Variants in CDH8 observed in about 807,000 individuals in gnomAD.
CDH8 encodes the protein cadherin 8.
In CDH8, 17 loss-of-function variants were observed where a neutral mutation model predicts 68.1. The ratio of observed to expected loss-of-function variants is 0.25; its 90% CI spans 0.17 to 0.37. CDH8 has a LOEUF of 0.37. CDH8 is among the 10% of genes least tolerant of loss of function. The pLI is 1.00. For missense variants in CDH8, 763 were observed against 999.3 expected (o/e 0.76, Z 3.19); for synonymous variants, 372 against 365.1 (o/e 1.02, Z -0.21).
At chr16:62,005,696 A>G (rs948776370) in intron 2 of CDH8, among the ~76,000 whole-genome samples, 1 of 143,280 alleles carries the variant, frequency 7.0e-6, no homozygotes, top group African/African-American at 2.6e-5. Context: ...AGATCACGCC[A>G]CTGCATTCCA....
At chr16:61,711,844 T>C (rs12149177) in intron 10 of CDH8, among the ~76,000 whole-genome samples, 48,009 of 151,378 alleles carry the variant, frequency 0.32, 7,845 homozygotes, top group African/African-American at 0.4. Flanking sequence ...GCCACCCCTC[T>C]CACTTTAAAA....
chr16:61,776,591 C>T (rs999968715), intron 8 of CDH8, among the ~76,000 whole-genome samples: 4 of 151,948 alleles, frequency 2.6e-5, no homozygotes, highest in Admixed American at 6.6e-5. Context: ...GTGATATGTT[C>T]CTGAACAAAC....
chr16:61,799,572 G>A (rs1352336596), intron 7 of CDH8, among the ~76,000 whole-genome samples: 1 of 152,002 alleles, frequency 6.6e-6, no homozygotes, highest in Non-Finnish European at 1.5e-5. Context: ...AGAGAAATAT[G>A]TATAATATCT....
At chr16:61,825,259 A>G in intron 4 of CDH8, 80 bp from the exon 5 acceptor site, 1 of 1,090,674 alleles carries the variant, frequency 9.2e-7, no homozygotes, top group Non-Finnish European at 1.3e-6. Flanking sequence ...ACATGCACAC[A>G]TACACACAAG....
chr16:61,828,784 G>A (rs180984792), intron 4 of CDH8, among the ~76,000 whole-genome samples: 55 of 151,792 alleles, frequency 3.6e-4, no homozygotes, highest in African/African-American at 1.1e-3. Flanking sequence ...CCAACTCTGT[G>A]ACCATGAATA....
chr16:61,970,601 C>T (rs1473202522), intron 2 of CDH8, among the ~76,000 whole-genome samples: 2 of 152,212 alleles, frequency 1.3e-5, no homozygotes, highest in Non-Finnish European at 2.9e-5. Context: ...GCTCTCATGA[C>T]ACAGAACGCT....
At chr16:61,732,215 C>G (rs1959557415) in intron 8 of CDH8, among the ~76,000 whole-genome samples, 1 of 151,806 alleles carries the variant, frequency 6.6e-6, no homozygotes, top group African/African-American at 2.4e-5. Context: ...TTCCTGTAAA[C>G]TTCCCAAATT....
intron 8 of CDH8, among the ~76,000 whole-genome samples, chr16:61,734,272 T>C (rs12599896): frequency 0.033 from 4,940 of 150,960 alleles, 361 homozygotes; most frequent in East Asian, 0.24. Flanking sequence ...TTGAGGTAGG[T>C]GAACTAGGAA....
intron 4 of CDH8, among the ~76,000 whole-genome samples, chr16:61,828,708 T>C (rs1962394388): frequency 6.6e-6 from 1 of 151,874 alleles, no homozygotes; most frequent in African/African-American, 2.4e-5. Flanking sequence ...TTGATTCCTC[T>C]TACCAATGCT....
chr16:61,959,956 T>C (rs183524227), intron 2 of CDH8, among the ~76,000 whole-genome samples: 2 of 133,056 alleles, frequency 1.5e-5, no homozygotes, highest in East Asian at 2.4e-4. Context: ...CAAATCTTTC[T>C]CTGTATGTGG....
At chr16:61,852,066 AAAATT>A (rs1962948898) in intron 4 of CDH8, among the ~76,000 whole-genome samples, 1 of 152,228 alleles carries the variant, frequency 6.6e-6, no homozygotes, top group East Asian at 1.9e-4. Context: ...TTGTGTGGAA[AAAATT>A]AAATTAAATT....
chr16:61,821,484 G>A (rs1053872732), intron 5 of CDH8, among the ~76,000 whole-genome samples: 12 of 151,848 alleles, frequency 7.9e-5, no homozygotes, highest in Admixed American at 2.0e-4. Context: ...GATATTCGTC[G>A]TTGCCAACAT....
chr16:61,822,205 C>CTTTTTTTTTTTTTTTTTTTTTTT (rs71707137), intron 5 of CDH8, among the ~76,000 whole-genome samples: 1 of 45,648 alleles, frequency 2.2e-5, no homozygotes, highest in African/African-American at 1.1e-4. Flanking sequence ...AAAAACGCAC[C>CTTTTTTTTTTTTTTTTTTTTTTT]TTTTTTTTTT....
At chr16:61,701,076 T>C (rs1964420077) in intron 10 of CDH8, among the ~76,000 whole-genome samples, 1 of 151,998 alleles carries the variant, frequency 6.6e-6, no homozygotes. Flanking sequence ...AAGAATGAGA[T>C]TAGAGTTTGG....
At chr16:61,916,282 G>A (rs1024203752) in intron 2 of CDH8, among the ~76,000 whole-genome samples, 8 of 152,154 alleles carry the variant, frequency 5.3e-5, no homozygotes, top group African/African-American at 1.4e-4. Context: ...GGGAGGCTGA[G>A]GTGGGCAGAT....
chr16:61,997,097 AG>A (rs1336383090), intron 2 of CDH8, among the ~76,000 whole-genome samples: 4 of 151,998 alleles, frequency 2.6e-5, no homozygotes, highest in Non-Finnish European at 5.9e-5. Flanking sequence ...CTTTATCCTA[AG>A]ATTCAGATTT....
In CDH8 at chr16:61,727,127, C is replaced by T. The variant is rs150448972; in HGVS notation, c.1503G>A (p.Glu501=). 1,734 of 1,610,658 alleles carry T rather than the reference C, an allele frequency of 1.1e-3. No individual in the cohort carries two copies. The highest frequency in any genetic ancestry group is 1.4e-3 in the Non-Finnish European group (1,635 of 1,177,786). The change falls in exon 9 of 12, where the codon GAG becomes GAA. Residue 501 remains glutamate, a synonymous_variant. Coordinates refer to ENST00000577390, the MANE Select transcript of CDH8 (RefSeq NM_001796.5). ...GTTTTCCATTTTCACATAAAAATGCCTCATATTCGGATGCGAATTCAGGGG... is the reference window on the plus strand; with the variant it reads ...GTTTTCCATTTTCACATAAAAATGCTTCATATTCGGATGCGAATTCAGGGG... ...DNAPEFASEY[E]AFLCENGKPG... is the part of the protein sequence containing the mutation.
intron 3 of CDH8, among the ~76,000 whole-genome samples, chr16:61,889,633 T>G (rs1014618337): frequency 6.6e-6 from 1 of 152,202 alleles, no homozygotes; most frequent in Non-Finnish European, 1.5e-5. Context: ...GGCTGAACTC[T>G]GTGAGGTTTA....
At chr16:61,828,839 A>G (rs1463179150) in intron 4 of CDH8, among the ~76,000 whole-genome samples, 1 of 151,898 alleles carries the variant, frequency 6.6e-6, no homozygotes, top group Non-Finnish European at 1.5e-5. Flanking sequence ...AATCAGAGAT[A>G]ATAACCAGCT....
Sources: gnomAD v4.1 joint callset for allele counts (sites outside exome capture counted in the v4.1 genomes callset) on GRCh38, gnomAD v4.1.1 for gene constraint, MANE v1.5 for transcripts, NCBI Gene and HGNC (gene_info 2026-07-23, HGNC 2026-07-21) for gene names.